Variants in DMRT1 observed in about 807,000 individuals in gnomAD.
DMRT1 encodes doublesex and mab-3 related transcription factor 1.
DMRT1 carries 7 observed loss-of-function variants against 32.3 expected under a neutral mutation model. That is an observed-to-expected ratio of 0.22 (90% CI 0.12 to 0.41). The LOEUF is 0.41. DMRT1 is among the 10% of genes least tolerant of loss of function. The probability of loss-of-function intolerance (pLI) is 1.00; values close to 1 mark genes in which losing one functional copy is unlikely to be tolerated. For missense variants in DMRT1, 625 were observed against 500.5 expected, an observed-to-expected ratio of 1.25 and a Z score of -2.37; for synonymous variants, 278 against 206.1, an observed-to-expected ratio of 1.35 and a Z score of -2.99.
intron 2 of DMRT1, among the ~76,000 whole-genome samples, chr9:888,413 C>T (rs1817014704): frequency 1.3e-5 from 2 of 151,766 alleles, no homozygotes; most frequent in Admixed American, 1.3e-4. Context: ...TAAAGTGATT[C>T]TCCTTCCTCA....
chr9:939,530 C>G (rs1038079930), intron 4 of DMRT1, among the ~76,000 whole-genome samples: 1 of 152,208 alleles, frequency 6.6e-6, no homozygotes, highest in Non-Finnish European at 1.5e-5. Flanking sequence ...GTCCTGTTCT[C>G]TGTTGTATAT....
intron 2 of DMRT1, among the ~76,000 whole-genome samples, chr9:854,072 A>G (rs891203813): frequency 1.3e-5 from 2 of 151,312 alleles, no homozygotes; most frequent in Non-Finnish European, 2.9e-5. Flanking sequence ...TCAGCTCCCA[A>G]AGTGCTGGGA....
At chr9:952,777 C>G (rs530728115) in intron 4 of DMRT1, among the ~76,000 whole-genome samples, 8 of 152,276 alleles carry the variant, frequency 5.3e-5, no homozygotes, top group African/African-American at 1.9e-4. Context: ...AATGTGGGAT[C>G]AGGGAGGAGT....
intron 4 of DMRT1, among the ~76,000 whole-genome samples, chr9:919,734 C>T (rs1818296290): frequency 6.6e-6 from 1 of 152,090 alleles, no homozygotes. Flanking sequence ...AGGGTGGAAG[C>T]TGGGAGACCA....
chr9:875,989 C>A (rs1391133629), intron 2 of DMRT1, among the ~76,000 whole-genome samples: 1 of 152,116 alleles, frequency 6.6e-6, no homozygotes, highest in Non-Finnish European at 1.5e-5. Context: ...TGGCTGGGAA[C>A]TCGAGTTCCC....
intron 3 of DMRT1, among the ~76,000 whole-genome samples, chr9:911,223 A>C (rs115247949): frequency 0.02 from 2,991 of 151,808 alleles, 104 homozygotes; most frequent in African/African-American, 0.068. Context: ...GCCAGCATCA[A>C]CTCCCTGCCC....
chr9:961,731 AC>A (rs1819779220), intron 4 of DMRT1, among the ~76,000 whole-genome samples: 3 of 152,216 alleles, frequency 2.0e-5, no homozygotes, highest in African/African-American at 7.2e-5. Context: ...CCTGGAATAA[AC>A]AGACCTTGTA....
intron 4 of DMRT1, among the ~76,000 whole-genome samples, chr9:939,552 TTTG>T (rs1322830276): frequency 6.6e-6 from 1 of 152,236 alleles, no homozygotes; most frequent in African/African-American, 2.4e-5. Flanking sequence ...CTTTCTCTCG[TTTG>T]TTCTCTGGAC....
At chr9:874,402 C>G (rs920386857) in intron 2 of DMRT1, among the ~76,000 whole-genome samples, 29 of 152,210 alleles carry the variant, frequency 1.9e-4, no homozygotes, top group African/African-American at 6.0e-4. Context: ...TTTGTTTCCC[C>G]TTCATTGTCA....
intron 4 of DMRT1, among the ~76,000 whole-genome samples, chr9:930,443 G>A (rs534003233): frequency 9.3e-5 from 14 of 150,384 alleles, no homozygotes; most frequent in South Asian, 6.4e-4. Context: ...ACGGAGTTTC[G>A]CTCTGTCGCC....
chr9:853,973 TTTTC>T (rs1815277442), intron 2 of DMRT1, among the ~76,000 whole-genome samples: 1 of 151,504 alleles, frequency 6.6e-6, no homozygotes, highest in Non-Finnish European at 1.5e-5. Context: ...TTTTTAAAAT[TTTTC>T]TTTCTGTGGA....
At chr9:930,659 C>G (rs142525233) in intron 4 of DMRT1, among the ~76,000 whole-genome samples, 1 of 151,844 alleles carries the variant, frequency 6.6e-6, no homozygotes, top group Non-Finnish European at 1.5e-5. Flanking sequence ...CTGCCTGCCT[C>G]AGCTTCCCAA....
At chr9:874,521 G>C (rs1193368700) in intron 2 of DMRT1, among the ~76,000 whole-genome samples, 1 of 152,102 alleles carries the variant, frequency 6.6e-6, no homozygotes, top group Non-Finnish European at 1.5e-5. Context: ...ATACATGTCT[G>C]TGCATGCTAT....
intron 4 of DMRT1, among the ~76,000 whole-genome samples, chr9:921,452 A>G (rs1818351229): frequency 6.6e-6 from 1 of 152,104 alleles, no homozygotes; most frequent in African/African-American, 2.4e-5. Flanking sequence ...TGCTTTGAAC[A>G]TTTGTGTACA....
intron 2 of DMRT1, among the ~76,000 whole-genome samples, chr9:861,221 G>A (rs540971642): frequency 6.6e-6 from 1 of 151,956 alleles, no homozygotes; most frequent in Non-Finnish European, 1.5e-5. Flanking sequence ...TCCGTCTTCT[G>A]CAGTGTTTGT....
chr9:863,487 T>C (rs1324097055), intron 2 of DMRT1, among the ~76,000 whole-genome samples: 1 of 152,040 alleles, frequency 6.6e-6, no homozygotes, highest in Admixed American at 6.6e-5. Context: ...CCAAAGAATA[T>C]GGGAGGCCTC....
At chr9:875,060 T>A (rs925375780) in intron 2 of DMRT1, among the ~76,000 whole-genome samples, 2 of 152,088 alleles carry the variant, frequency 1.3e-5, no homozygotes, top group African/African-American at 4.8e-5. Flanking sequence ...TCCACCCACC[T>A]CAGCCTCCCA....
intron 4 of DMRT1, among the ~76,000 whole-genome samples, chr9:926,306 A>G (rs1238704899): frequency 6.6e-6 from 1 of 152,206 alleles, no homozygotes; most frequent in Non-Finnish European, 1.5e-5. Flanking sequence ...GTCAAGTGGA[A>G]GGGTTAATAT....
intron 2 of DMRT1, among the ~76,000 whole-genome samples, chr9:866,820 A>C (rs1188484066): frequency 1.1e-4 from 16 of 151,894 alleles, no homozygotes; most frequent in Admixed American, 7.2e-4. Context: ...TTTCCTTATC[A>C]CCCTCTCCCT....
Sources: allele counts gnomAD v4.1 joint callset (sites outside exome capture counted in the v4.1 genomes callset), GRCh38; gene constraint gnomAD v4.1.1; transcripts MANE v1.5; gene names NCBI Gene and HGNC (gene_info 2026-07-23, HGNC 2026-07-21).